IL1RAPL1: variants seen among roughly 807,000 people sequenced by gnomAD.
IL1RAPL1 encodes interleukin-1 receptor accessory protein-like 1.
In IL1RAPL1, 3 loss-of-function variants were observed where a neutral mutation model predicts 48.4. The ratio of observed to expected loss-of-function variants is 0.06; its 90% CI spans 0.03 to 0.16. The LOEUF (loss-of-function observed/expected upper bound fraction) is 0.16. Ranked by LOEUF, IL1RAPL1 falls within the 10% of genes least tolerant of loss-of-function variation. IL1RAPL1 has a pLI of 1.00. For missense variants in IL1RAPL1, 349 were observed against 530.6 expected (o/e 0.66, Z 3.36); for synonymous variants, 185 against 187.7 (o/e 0.99, Z 0.12).
intron 1 of IL1RAPL1, among the ~76,000 whole-genome samples, chrX:28,640,043 C>T (rs1468602687): frequency 9.0e-6 from 1 of 111,699 alleles, no homozygotes; most frequent in Non-Finnish European, 1.9e-5. Context: ...CCAGTACACT[C>T]TTCTAGGTCC....
chrX:29,348,260 A>AT (rs1277035436), intron 3 of IL1RAPL1, among the ~76,000 whole-genome samples: 3 of 112,251 alleles, frequency 2.7e-5, no homozygotes, highest in Non-Finnish European at 3.8e-5. Context: ...AGCTTTGACC[A>AT]TAAAGGTGAA....
intron 8 of IL1RAPL1, among the ~76,000 whole-genome samples, chrX:29,938,831 A>G (rs1225611355): frequency 8.9e-6 from 1 of 112,313 alleles, no homozygotes; most frequent in Non-Finnish European, 1.9e-5. Context: ...AAATAGAATC[A>G]TACAGTAGGT....
chrX:28,744,200 T>TGCA (rs1281453737), intron 1 of IL1RAPL1, among the ~76,000 whole-genome samples: 13 of 111,512 alleles, frequency 1.2e-4, no homozygotes, highest in African/African-American at 4.2e-4. Flanking sequence ...AAAAGAGTCT[T>TGCA]TACATCTTTC....
intron 2 of IL1RAPL1, among the ~76,000 whole-genome samples, chrX:28,945,934 CAATT>C (rs1380446069): frequency 9.5e-6 from 1 of 105,283 alleles, no homozygotes; most frequent in African/African-American, 3.5e-5. Context: ...TGTATACACT[CAATT>C]AACTATTTTC....
intron 2 of IL1RAPL1, among the ~76,000 whole-genome samples, chrX:29,116,935 T>C (rs1020381189): frequency 7.2e-5 from 8 of 111,272 alleles, no homozygotes; most frequent in African/African-American, 2.0e-4. Context: ...GAGATAGATA[T>C]TTCATATATA....
intron 5 of IL1RAPL1, among the ~76,000 whole-genome samples, chrX:29,548,381 C>T (rs1412766073): frequency 9.0e-6 from 1 of 111,714 alleles, no homozygotes; most frequent in Non-Finnish European, 1.9e-5. Context: ...CACAGGTTTA[C>T]GTTTGCGCAT....
intron 6 of IL1RAPL1, among the ~76,000 whole-genome samples, chrX:29,685,600 G>A (rs1013900520): frequency 8.1e-5 from 9 of 111,551 alleles, no homozygotes; most frequent in Admixed American, 5.7e-4. Flanking sequence ...AACATAATTT[G>A]CAATTTTTCC....
chrX:29,000,113 A>G (rs1289486980), intron 2 of IL1RAPL1, among the ~76,000 whole-genome samples: 3 of 111,304 alleles, frequency 2.7e-5, no homozygotes, highest in Non-Finnish European at 3.8e-5. Flanking sequence ...TGCCTTTATC[A>G]AAGACAGAAC....
intron 6 of IL1RAPL1, among the ~76,000 whole-genome samples, chrX:29,911,134 CA>C (rs1158387038): frequency 9.0e-6 from 1 of 111,496 alleles, no homozygotes; most frequent in African/African-American, 3.3e-5. Context: ...AATGGATAAA[CA>C]AAATCAACAT....
chrX:28,868,778 C>G (rs1286974708), intron 2 of IL1RAPL1, among the ~76,000 whole-genome samples: 1 of 112,356 alleles, frequency 8.9e-6, no homozygotes, highest in Non-Finnish European at 1.9e-5. Flanking sequence ...CTTACTTCAT[C>G]CCAGAAATCA....
intron 2 of IL1RAPL1, among the ~76,000 whole-genome samples, chrX:29,120,207 C>T (rs1159780248): frequency 1.8e-5 from 2 of 112,233 alleles, no homozygotes; most frequent in Non-Finnish European, 3.8e-5. Context: ...GTCATAAATT[C>T]TTGCCCAAGG....
Position 29,899,079 on chromosome X carries a change from A to G in IL1RAPL1, c.779-18385A>G, listed in dbSNP as rs368456061. On this transcript the variant is annotated intron_variant, in intron 6 of 10. Coordinates refer to ENST00000378993, the MANE Select transcript of IL1RAPL1 (RefSeq NM_014271.4). The stretch of plus-strand genomic sequence containing the variant: ...AAAACCAAGTGAAAAACTTCCCAAT[A>G]GCTCACAGAAGAGTAATCAGTCTGT... 1.0e-4 allele frequency among the ~76,000 whole-genome samples: 11 copies of G among 110,550 alleles called. No individual in the cohort carries two copies. In the East Asian group the frequency reaches 2.9e-3, roughly 29 times the overall value.
chrX:29,132,595 A>G (rs1250622111), intron 2 of IL1RAPL1, among the ~76,000 whole-genome samples: 1 of 111,518 alleles, frequency 9.0e-6, no homozygotes, highest in Admixed American at 9.6e-5. Flanking sequence ...TTGCCTAAGG[A>G]CGCATTTCTC....
chrX:29,339,290 A>C (rs970058388), intron 3 of IL1RAPL1, among the ~76,000 whole-genome samples: 10 of 112,027 alleles, frequency 8.9e-5, no homozygotes, highest in African/African-American at 2.9e-4. Flanking sequence ...CTTTCTGAGC[A>C]TCAATTACTT....
intron 7 of IL1RAPL1, among the ~76,000 whole-genome samples, chrX:29,918,168 T>TAC (rs1176207118): frequency 1.5e-5 from 1 of 66,826 alleles, no homozygotes; most frequent in Non-Finnish European, 2.7e-5. Flanking sequence ...TATATATATA[T>TAC]ATAGTGAGAT....
At chrX:29,602,006 G>A (rs998727474) in intron 5 of IL1RAPL1, among the ~76,000 whole-genome samples, 3 of 110,923 alleles carry the variant, frequency 2.7e-5, no homozygotes, top group South Asian at 3.8e-4. Flanking sequence ...TTTTTGAGAC[G>A]GAGTCTCACT....
intron 1 of IL1RAPL1, among the ~76,000 whole-genome samples, chrX:28,595,449 G>A (rs901600160): frequency 1.8e-5 from 2 of 112,125 alleles, no homozygotes; most frequent in Admixed American, 1.9e-4. Context: ...TTCTGACCCC[G>A]AAAAATAGCT....
intron 2 of IL1RAPL1, among the ~76,000 whole-genome samples, chrX:28,806,660 C>T (rs143764297): frequency 0.017 from 1,903 of 111,120 alleles, 41 homozygotes; most frequent in African/African-American, 0.058. Flanking sequence ...TGGCAACTTG[C>T]GCATTCATTC....
intron 5 of IL1RAPL1, among the ~76,000 whole-genome samples, chrX:29,520,303 A>C (rs997596218): frequency 9.0e-6 from 1 of 111,691 alleles, no homozygotes; most frequent in Admixed American, 9.5e-5. Flanking sequence ...TGCTTCTGCT[A>C]TTTTGACTTT....
Sources: allele counts gnomAD v4.1 joint callset (sites outside exome capture counted in the v4.1 genomes callset), GRCh38; gene constraint gnomAD v4.1.1; transcripts MANE v1.5; gene names NCBI Gene and HGNC (gene_info 2026-07-23, HGNC 2026-07-21).